CHTF8: variants seen among roughly 807,000 people sequenced by gnomAD.
CHTF8 encodes the protein chromosome transmission fidelity factor 8, also known as chromosome transmission fidelity protein 8 homolog.
In CHTF8, 6 loss-of-function variants were observed where a neutral mutation model predicts 11.0. The observed-to-expected ratio is 0.55, with a 90% CI of 0.30 to 1.08. The LOEUF is 1.08. CHTF8 is among the 50% of genes least tolerant of loss of function. The pLI is 0.07. For synonymous variants in CHTF8, 53 were observed against 60.5 expected (o/e 0.88, Z 0.57); for missense variants, 140 against 153.1 (o/e 0.91, Z 0.45).
chr16:69,125,155 T>C (rs1056251501), intron 1 of CHTF8, among the ~76,000 whole-genome samples: 7 of 152,270 alleles, frequency 4.6e-5, no homozygotes, highest in Admixed American at 3.3e-4. Flanking sequence ...ACGCCCGCGT[T>C]GCCCTCCAAA....
intron 1 of CHTF8, among the ~76,000 whole-genome samples, chr16:69,128,829 C>T (rs1301450299): frequency 1.3e-5 from 2 of 151,724 alleles, no homozygotes; most frequent in Non-Finnish European, 2.9e-5. Flanking sequence ...ACTTTGGGAG[C>T]CCAAGGCGGG....
chr16:69,123,925 TA>T (rs757493986), intron 1 of CHTF8, among the ~76,000 whole-genome samples: 1,944 of 76,954 alleles, frequency 0.025, 23 homozygotes, highest in African/African-American at 0.086. Context: ...CCATCTCTAC[TA>T]AAAAAAAAAA....
rs1961808963 is a variant in CHTF8, at chr16:69,123,167, C to CT, written c.-35-1675dup. Among the ~76,000 whole-genome samples the CT allele has an allele frequency of 3.9e-5, 6 of 152,244 alleles. No individual in the cohort carries two copies. The South Asian group carries it at 1.2e-3, about 32-fold the overall frequency. Reference sequence around the variant, plus strand: ...TACTGCCCGGGCTTAAGTGATCCTCCTACCTCAGCTTCTCAAAGTGTTGGG... The same window carrying CT: ...TACTGCCCGGGCTTAAGTGATCCTCCTTACCTCAGCTTCTCAAAGTGTTGGG... On this transcript the variant is annotated intron_variant, in intron 1 of 3. Transcript: ENST00000448552.
chr16:69,132,404 G>C, intron 1 of CHTF8, 80 bp downstream of exon 1: 1 of 148,654 alleles, frequency 6.7e-6, no homozygotes, highest in Non-Finnish European at 1.4e-5. Context: ...CTAGCTTCCC[G>C]CTCCCTCGCG....
intron 1 of CHTF8, among the ~76,000 whole-genome samples, chr16:69,127,376 C>A (rs183650995): frequency 6.6e-6 from 1 of 151,902 alleles, no homozygotes; most frequent in Non-Finnish European, 1.5e-5. Context: ...ACAAGCATAA[C>A]AATGGAAATT....
intron 1 of CHTF8, chr16:69,131,968 A>ACC (rs1442176923): frequency 6.8e-6 from 1 of 147,964 alleles, no homozygotes; most frequent in Non-Finnish European, 1.5e-5. Flanking sequence ...CCTAACCCCC[A>ACC]CCCCGAACTC....
At chr16:69,127,946 ACT>A (rs1962199611) in intron 1 of CHTF8, among the ~76,000 whole-genome samples, 1 of 128,226 alleles carries the variant, frequency 7.8e-6, no homozygotes, top group Non-Finnish European at 1.7e-5. Context: ...ACAGAGTCTC[ACT>A]CTGTCACTCA....
chr16:69,119,465 G>A lies in CHTF8; in HGVS notation c.*960C>T, dbSNP rs1340024561. 8.5e-6 allele frequency: 6 copies of A among 702,816 alleles called. No homozygotes were observed. Among genetic ancestry groups the A allele is most frequent in the African/African-American group, 5.2e-5 (3 of 57,268 alleles). 43.5% of individuals were successfully genotyped at this position (702,816 alleles called of 1,614,324 possible). A position where few individuals can be genotyped will look rare whatever the true frequency, so the allele number is the denominator to read the frequency against. ...TTTGGCCCTGGAAGGCCAATTCCCC[G>A]AGAGCTAGGACCCGAGTTTGGGCCC... On this transcript the variant is annotated 3_prime_UTR_variant, in exon 4 of 4. Transcript: ENST00000448552.
intron 1 of CHTF8, among the ~76,000 whole-genome samples, chr16:69,123,005 C>A (rs1407805976): frequency 6.6e-6 from 1 of 152,122 alleles, no homozygotes; most frequent in East Asian, 1.9e-4. Flanking sequence ...ATGATCCGCC[C>A]ACCTTGGCCT....
intron 1 of CHTF8, among the ~76,000 whole-genome samples, chr16:69,125,016 T>C (rs1961957245): frequency 6.6e-6 from 1 of 152,144 alleles, no homozygotes; most frequent in Non-Finnish European, 1.5e-5. Context: ...GCAATTCTCA[T>C]GCCTCAGCCT....
Position 69,119,120 on chromosome 16 carries a change from C to T in CHTF8, c.*1305G>A. On this transcript the variant is annotated 3_prime_UTR_variant, in exon 4 of 4. Coordinates refer to ENST00000448552, the MANE Select transcript of CHTF8 (RefSeq NM_001039690.5). ...GCTGGCCTGGGGAAAGTAACTTGAC[C>T]AGGGCCTAATGGGCCAGTAGACCTT... The T allele has an allele frequency of 1.4e-6, 1 of 703,026 alleles. No homozygotes were observed. Among genetic ancestry groups the T allele is most frequent in the East Asian group, 2.7e-5 (1 of 37,294 alleles). The allele number at this position is 703,026 out of a possible 1,614,324, so 43.5% of individuals were successfully genotyped here. A position where few individuals can be genotyped will look rare whatever the true frequency, so the allele number is the denominator to read the frequency against.
intron 1 of CHTF8, among the ~76,000 whole-genome samples, chr16:69,130,150 T>C (rs1192592502): frequency 6.6e-6 from 1 of 152,208 alleles, no homozygotes; most frequent in Non-Finnish European, 1.5e-5. Context: ...TGAGCAATGA[T>C]CCTCATAATC....
At position 69,129,581 on chromosome 16, in the gene CHTF8, T is replaced by C. The variant is rs900444161; in HGVS notation, c.-36+2903A>G. On this transcript the variant is annotated intron_variant, in intron 1 of 3. Coordinates refer to ENST00000448552, the MANE Select transcript of CHTF8 (RefSeq NM_001039690.5). Reference sequence around the variant, plus strand: ...GACACCCTATGCTTTTAGCAAGGTCTTCTCACTCCCATTTCACAAATGAGG... The same window carrying C: ...GACACCCTATGCTTTTAGCAAGGTCCTCTCACTCCCATTTCACAAATGAGG... 2.0e-5 allele frequency among the ~76,000 whole-genome samples: 3 copies of C among 152,322 alleles called. No individual in the cohort carries two copies. In the South Asian group the frequency reaches 6.2e-4, roughly 32 times the overall value.
chr16:69,118,450 T>TAGAG lies in CHTF8; in HGVS notation c.*1971_*1974dup, dbSNP rs1961334704. ...GGTCCGTTCACCAACGCCACGTTTCTAGAGAGCAGTGAGCTGATTCTCCAA... is the reference window on the plus strand; with the variant it reads ...GGTCCGTTCACCAACGCCACGTTTCTAGAGAGAGAGCAGTGAGCTGATTCTCCAA... On this transcript the variant is annotated 3_prime_UTR_variant, in exon 4 of 4. Coordinates refer to ENST00000448552, the MANE Select transcript of CHTF8 (RefSeq NM_001039690.5). 1 of 1,604,072 alleles carries TAGAG rather than the reference T, an allele frequency of 6.2e-7. No individual in the cohort carries two copies. Among genetic ancestry groups the TAGAG allele is most frequent in the East Asian group, 2.2e-5 (1 of 44,844 alleles).
At chr16:69,127,557 G>A (rs1409958919) in intron 1 of CHTF8, among the ~76,000 whole-genome samples, 1 of 147,824 alleles carries the variant, frequency 6.8e-6, no homozygotes, top group East Asian at 2.1e-4. Flanking sequence ...TATACATGAA[G>A]TCAAGAAACT....
chr16:69,120,101 C>G lies in CHTF8; in HGVS notation c.*324G>C. On this transcript the variant is annotated 3_prime_UTR_variant, in exon 4 of 4. Coordinates refer to ENST00000448552, the MANE Select transcript of CHTF8 (RefSeq NM_001039690.5). The surrounding 1 kb of genome is among the most constrained non-coding windows in gnomAD (Gnocchi z 4.0). Reference sequence around the variant, plus strand: ...AGGCCACCAGGCCTTGGGAAAGAAACTGCACCTGTGCCAGTGGGATTCATC... The same window carrying G: ...AGGCCACCAGGCCTTGGGAAAGAAAGTGCACCTGTGCCAGTGGGATTCATC... 1.4e-6 allele frequency: 1 copy of G among 698,966 alleles called. No homozygotes were observed. The allele number at this position is 698,966 out of a possible 1,614,324, so 43.3% of individuals were successfully genotyped here. A position where few individuals can be genotyped will look rare whatever the true frequency, so the allele number is the denominator to read the frequency against.
At chr16:69,127,580 G>A (rs1962161196) in intron 1 of CHTF8, among the ~76,000 whole-genome samples, 1 of 149,842 alleles carries the variant, frequency 6.7e-6, no homozygotes, top group African/African-American at 2.4e-5. Context: ...AAGAGAGTCA[G>A]TGGAAGAGCT....
In CHTF8 at chr16:69,125,056, C is replaced by T. The variant is rs1739454102; in HGVS notation, c.-35-3563G>A. ...AGTAGCTAGGATTATAGGCATGTGC[C>T]ACCATGCCCGGCTAATTTTGTATTT... On this transcript the variant is annotated intron_variant, in intron 1 of 3. Coordinates refer to ENST00000448552, the MANE Select transcript of CHTF8 (RefSeq NM_001039690.5). Among the ~76,000 whole-genome samples the T allele has an allele frequency of 2.0e-5, 3 of 152,092 alleles. No individual in the cohort carries two copies. In the South Asian group the frequency reaches 6.2e-4, roughly 31 times the overall value.
chr16:69,121,254 G>T (rs1176880473), intron 2 of CHTF8, 84 bp from the exon 3 acceptor site: 45 of 1,370,374 alleles, frequency 3.3e-5, no homozygotes, highest in Non-Finnish European at 4.2e-5. Flanking sequence ...GAGGCCCAAA[G>T]GACCTCTTTG....
Sources: gnomAD v4.1 joint callset for allele counts (sites outside exome capture counted in the v4.1 genomes callset) on GRCh38, gnomAD v4.1.1 for gene constraint, Gnocchi (gnomAD v3.1) non-coding constraint, MANE v1.5 for transcripts, NCBI Gene and HGNC (gene_info 2026-07-23, HGNC 2026-07-21) for gene names.